The following MACROD2 variants were observed in gnomAD, a reference collection of about 807,000 sequenced individuals.
MACROD2 encodes the protein ADP-ribose glycohydrolase MACROD2.
A neutral mutation model predicts 70.4 loss-of-function variants in MACROD2; 36 were observed. That is an observed-to-expected ratio of 0.51 (90% CI 0.39 to 0.68). The LOEUF (loss-of-function observed/expected upper bound fraction) is 0.68. Ranked by LOEUF, MACROD2 falls within the 30% of genes least tolerant of loss-of-function variation. MACROD2 has a pLI of 0.00. For synonymous variants in MACROD2, 172 were observed against 178.8 expected (o/e 0.96, Z 0.30); for missense variants, 496 against 538.4 (o/e 0.92, Z 0.78).
intron 10 of MACROD2, among the ~76,000 whole-genome samples, chr20:15,931,106 A>G (rs766769896): frequency 1.3e-5 from 2 of 152,192 alleles, no homozygotes; most frequent in Non-Finnish European, 2.9e-5. Context: ...CTCAGAGTCC[A>G]TTTGGTGGGA....
At chr20:14,532,492 G>A (rs1276664204) in intron 4 of MACROD2, among the ~76,000 whole-genome samples, 2 of 151,840 alleles carry the variant, frequency 1.3e-5, no homozygotes, top group Admixed American at 6.6e-5. Flanking sequence ...CAAAGTGCTG[G>A]GATTACAGGC....
intron 8 of MACROD2, among the ~76,000 whole-genome samples, chr20:15,607,860 A>G (rs879240797): frequency 2.0e-5 from 3 of 152,184 alleles, no homozygotes; most frequent in Admixed American, 2.0e-4. Context: ...TATAAGCCAA[A>G]CTCATTGTAA....
chr20:15,791,323 G>A (rs1046298778), intron 8 of MACROD2, among the ~76,000 whole-genome samples: 2 of 151,746 alleles, frequency 1.3e-5, no homozygotes, highest in African/African-American at 4.8e-5. Context: ...AAGTAGTTAA[G>A]TTTATCTAAA....
At chr20:15,409,874 C>T (rs1014726712) in intron 6 of MACROD2, among the ~76,000 whole-genome samples, 3 of 152,090 alleles carry the variant, frequency 2.0e-5, no homozygotes, top group South Asian at 2.1e-4. Flanking sequence ...TGAGGGGCCA[C>T]GGGTGAAACA....
intron 5 of MACROD2, among the ~76,000 whole-genome samples, chr20:14,991,980 G>A (rs1284912886): frequency 1.3e-5 from 2 of 152,114 alleles, no homozygotes; most frequent in Non-Finnish European, 1.5e-5. Context: ...CTCCTACTCA[G>A]TATTAAGCAC....
intron 6 of MACROD2, among the ~76,000 whole-genome samples, chr20:15,348,909 A>G (rs753968115): frequency 3.9e-5 from 6 of 152,162 alleles, no homozygotes; most frequent in Non-Finnish European, 5.9e-5. Context: ...AAATAATCTC[A>G]GTGCCCTGGT....
At chr20:15,106,232 G>T (rs548311684) in intron 5 of MACROD2, among the ~76,000 whole-genome samples, 1 of 152,086 alleles carries the variant, frequency 6.6e-6, no homozygotes, top group South Asian at 2.1e-4. Flanking sequence ...TCACTTACTG[G>T]GTCAAGCTTT....
chr20:15,975,455 T>C (rs2066292397), intron 13 of MACROD2, among the ~76,000 whole-genome samples: 1 of 152,102 alleles, frequency 6.6e-6, no homozygotes, highest in South Asian at 2.1e-4. Flanking sequence ...TGCAATATGA[T>C]GTTTAATGGC....
intron 7 of MACROD2, among the ~76,000 whole-genome samples, chr20:15,464,017 T>G (rs2208132): frequency 0.66 from 100,795 of 151,994 alleles, 34,478 homozygotes; most frequent in African/African-American, 0.81. Context: ...CTCACTCATG[T>G]TGCAGCCATC....
At chr20:14,871,190 C>A (rs1038873052) in intron 5 of MACROD2, among the ~76,000 whole-genome samples, 1 of 151,956 alleles carries the variant, frequency 6.6e-6, no homozygotes, top group African/African-American at 2.4e-5. Context: ...TTCACAAGAA[C>A]ATCATCTCCA....
chr20:15,979,776 A>G, intron 13 of MACROD2, among the ~76,000 whole-genome samples: 1 of 152,168 alleles, frequency 6.6e-6, no homozygotes, highest in East Asian at 1.9e-4. Context: ...AAAAACCATT[A>G]CTAGATAATC....
At chr20:15,772,701 AAGAG>A (rs1401470079) in intron 8 of MACROD2, among the ~76,000 whole-genome samples, 3 of 152,102 alleles carry the variant, frequency 2.0e-5, no homozygotes. Context: ...ACATGGTGGC[AAGAG>A]AGAGAAGAAA....
chr20:14,228,172 T>TATAG (rs1312521007), intron 3 of MACROD2, among the ~76,000 whole-genome samples: 121 of 151,134 alleles, frequency 8.0e-4, no homozygotes, highest in African/African-American at 2.8e-3. Context: ...TGTATATATA[T>TATAG]AGAGAGAGAG....
chr20:14,753,625 G>A (rs887210250), intron 5 of MACROD2, among the ~76,000 whole-genome samples: 7 of 151,918 alleles, frequency 4.6e-5, no homozygotes, highest in African/African-American at 7.3e-5. Flanking sequence ...AAAGTCATAC[G>A]GAGAAAAAAC....
chr20:14,694,621 G>C (rs1276779390), intron 5 of MACROD2, among the ~76,000 whole-genome samples: 3 of 152,102 alleles, frequency 2.0e-5, no homozygotes, highest in African/African-American at 7.2e-5. Context: ...AATTTTAGAT[G>C]AGTTACATAT....
At chr20:15,616,214 G>T (rs535798065) in intron 8 of MACROD2, among the ~76,000 whole-genome samples, 1 of 148,900 alleles carries the variant, frequency 6.7e-6, no homozygotes, top group African/African-American at 2.5e-5. Context: ...AGTGATTCTC[G>T]TGCCTCAGCC....
intron 3 of MACROD2, among the ~76,000 whole-genome samples, chr20:14,112,722 A>T (rs2054467618): frequency 2.6e-5 from 4 of 151,914 alleles, no homozygotes; most frequent in Admixed American, 1.3e-4. Context: ...ATATAATTGC[A>T]CACATTTGGC....
rs78909318 is a variant in MACROD2, at chr20:15,737,694, T to C, written c.646-125051T>C. Among the ~76,000 whole-genome samples the C allele has an allele frequency of 4.7e-3, 718 of 152,348 alleles. 3 individuals carry two copies. Among genetic ancestry groups the C allele is most frequent in the Middle Eastern group, 0.014 (4 of 294 alleles). On this transcript the variant is annotated intron_variant, in intron 8 of 17. Coordinates refer to ENST00000684519, the MANE Select transcript of MACROD2 (RefSeq NM_001351661.2). ...TAAGAAAGTAAATCATTCACAAATA[T>C]TGAGAACATTGTAAATAATTTGCCT...
intron 4 of MACROD2, among the ~76,000 whole-genome samples, chr20:14,615,231 C>G (rs1218778723): frequency 6.6e-6 from 1 of 152,078 alleles, no homozygotes; most frequent in Admixed American, 6.6e-5. Context: ...TTGGATGAGG[C>G]ATGTTTCTTT....
Sources: allele counts gnomAD v4.1 joint callset (sites outside exome capture counted in the v4.1 genomes callset), GRCh38; gene constraint gnomAD v4.1.1; transcripts MANE v1.5; gene names NCBI Gene and HGNC (gene_info 2026-07-23, HGNC 2026-07-21).